Variants in FLT4 observed in about 807,000 individuals in gnomAD.
The protein encoded by FLT4 is fms related receptor tyrosine kinase 4.
Under a neutral mutation model 163.2 loss-of-function variants are expected in FLT4, and 30 were observed. The ratio of observed to expected loss-of-function variants is 0.18; its 90% CI spans 0.14 to 0.25. The LOEUF is 0.25. Among genes scored for constraint, FLT4 ranks in the 10% least tolerant of loss-of-function variants. FLT4 has a pLI of 1.00. For missense variants in FLT4, 1,510 were observed against 1,863.8 expected (o/e 0.81, Z 3.50); for synonymous variants, 884 against 789.5 (o/e 1.12, Z -2.01).
intron 1 of FLT4, among the ~76,000 whole-genome samples, chr5:180,646,056 C>T (rs571353219): frequency 6.6e-6 from 1 of 152,084 alleles, no homozygotes; most frequent in African/African-American, 2.4e-5. Context: ...GCAGCTGATT[C>T]GCTTAATTTC....
chr5:180,619,931 C>CG (rs1386354449), intron 17 of FLT4, among the ~76,000 whole-genome samples, 162 bp from the exon 18 acceptor site: 1 of 152,152 alleles, frequency 6.6e-6, no homozygotes, highest in African/African-American at 2.4e-5. Flanking sequence ...GACAGGAGGC[C>CG]GCGCATCCTC....
Position 180,602,439 on chromosome 5 carries a change from G to C in FLT4, c.*753C>G, listed in dbSNP as rs960996460. ...CTAGACTCAGTACAGCTGTCCCTGG[G>C]CGCCTTCCAGGCTGAATTCGGAAAG... On this transcript the variant is annotated 3_prime_UTR_variant, in exon 30 of 30. Coordinates refer to ENST00000261937, the MANE Select transcript of FLT4 (RefSeq NM_182925.5). 1 of 391,264 alleles carries C rather than the reference G, an allele frequency of 2.6e-6. No homozygotes were observed. The highest frequency in any genetic ancestry group is 4.5e-6 in the Non-Finnish European group (1 of 221,668). 24.2% of individuals were successfully genotyped at this position (391,264 alleles called of 1,614,324 possible).
At chr5:180,648,488 G>A (rs1765585554) in intron 1 of FLT4, among the ~76,000 whole-genome samples, 1 of 152,172 alleles carries the variant, frequency 6.6e-6, no homozygotes, top group Non-Finnish European at 1.5e-5. Context: ...TTCCTATGGC[G>A]TGCAGAAATG....
intron 1 of FLT4, among the ~76,000 whole-genome samples, chr5:180,642,027 T>A (rs749440395): frequency 2.6e-5 from 4 of 152,036 alleles, no homozygotes; most frequent in Non-Finnish European, 5.9e-5. Flanking sequence ...GCCAACATGG[T>A]GAAACCCCAT....
intron 2 of FLT4, 96 bp downstream of exon 2, chr5:180,631,586 C>T (rs1764166181): frequency 2.0e-6 from 2 of 1,008,522 alleles, no homozygotes; most frequent in South Asian, 1.3e-5. Flanking sequence ...CTGACTCTGC[C>T]CTGGGAGGGG....
chr5:180,631,388 G>A (rs1764136860), intron 2 of FLT4, among the ~76,000 whole-genome samples: 1 of 152,094 alleles, frequency 6.6e-6, no homozygotes, highest in African/African-American at 2.4e-5. Context: ...CAGGAGAATG[G>A]CGTGAACCCG....
chr5:180,633,847 G>A (rs978214320), intron 1 of FLT4, among the ~76,000 whole-genome samples: 7 of 152,176 alleles, frequency 4.6e-5, no homozygotes, highest in Non-Finnish European at 1.0e-4. Context: ...CAGGAGACCA[G>A]GCTCGAGGCC....
chr5:180,649,463 C>G, intron 1 of FLT4, 25 bp downstream of exon 1: 1 of 1,450,884 alleles, frequency 6.9e-7, no homozygotes, highest in Non-Finnish European at 9.1e-7. Flanking sequence ...CACGCTCGGG[C>G]GGGTGGCCCG....
chr5:180,634,180 G>A (rs1581689178), intron 1 of FLT4, among the ~76,000 whole-genome samples: 1 of 152,030 alleles, frequency 6.6e-6, no homozygotes, highest in East Asian at 1.9e-4. Context: ...CTTTTTCCTG[G>A]GACATCCCTC....
At chr5:180,607,205 T>C (rs1761849834) in intron 29 of FLT4, among the ~76,000 whole-genome samples, 1 of 152,246 alleles carries the variant, frequency 6.6e-6, no homozygotes, top group African/African-American at 2.4e-5. Context: ...CTGGCTGTCA[T>C]GTTGGGCAAA....
chr5:180,605,461 G>C (rs879575645), intron 29 of FLT4, among the ~76,000 whole-genome samples: 1 of 152,104 alleles, frequency 6.6e-6, no homozygotes, highest in Non-Finnish European at 1.5e-5. Context: ...TGTCTACCGG[G>C]AAGTTTTAAC....
At position 180,630,876 on chromosome 5, in the gene FLT4, C is replaced by T. The variant is rs6859866; in HGVS notation, c.156-77G>A. 68,478 of 1,479,586 alleles carry T rather than the reference C, an allele frequency of 0.046. 1,921 individuals carry two copies. Among genetic ancestry groups the T allele is most frequent in the East Asian group, 0.12 (4,978 of 41,316 alleles). 91.7% of individuals were successfully genotyped at this position (1,479,586 alleles called of 1,614,324 possible). On this transcript the variant is annotated intron_variant, in intron 2 of 29. Coordinates refer to ENST00000261937, the MANE Select transcript of FLT4 (RefSeq NM_182925.5). This position sits in a 1 kb window ranked among gnomAD's most constrained non-coding sequence, Gnocchi z 6.3. ...TGTCCCTGAGAAGCCTCCCTCAGGC[C>T]GAGCCTCACCAGGTTTGTCTTACCC... is the stretch of plus-strand genomic sequence containing the variant.
intron 1 of FLT4, among the ~76,000 whole-genome samples, chr5:180,634,710 AAAAAG>A (rs1764423154): frequency 6.9e-6 from 1 of 145,670 alleles, no homozygotes; most frequent in African/African-American, 2.6e-5. Flanking sequence ...AAAAAAAAAA[AAAAAG>A]AATGGTCAGA....
intron 24 of FLT4, chr5:180,613,751 G>A: frequency 2.3e-6 from 1 of 443,934 alleles, no homozygotes. Context: ...GGAGCTCTTG[G>A]AGCTCTTGGA....
chr5:180,632,937 C>T (rs1410009090), intron 1 of FLT4, among the ~76,000 whole-genome samples: 2 of 152,080 alleles, frequency 1.3e-5, no homozygotes, highest in Admixed American at 6.5e-5. Flanking sequence ...GGGCTGCGTC[C>T]TGTCCCTCCC....
Position 180,625,325 on chromosome 5 carries a change from G to A in FLT4, c.1421+544C>T, listed in dbSNP as rs890148879. Among the ~76,000 whole-genome samples the A allele has an allele frequency of 2.6e-5, 4 of 152,196 alleles. No homozygotes were observed. The East Asian group carries it at 7.7e-4, about 29-fold the overall frequency. On this transcript the variant is annotated intron_variant, in intron 10 of 29. Transcript: ENST00000261937. ...GGAGGGGAGCACGGCTCAGCAGGTG[G>A]CTGGGTCCTGTTGCTTACAGCTGTG... is the stretch of plus-strand genomic sequence containing the variant.
At chr5:180,648,471 TATTTA>T (rs2127877329) in intron 1 of FLT4, among the ~76,000 whole-genome samples, 1 of 152,306 alleles carries the variant, frequency 6.6e-6, no homozygotes, top group Non-Finnish European at 1.5e-5. Context: ...GTAAAGCCAG[TATTTA>T]ATTCCTATGG....
chr5:180,620,185 G>T lies in FLT4; in HGVS notation c.2530C>A (p.Arg844=), dbSNP rs748159932. Residue 844 remains arginine, a synonymous_variant, in exon 17 of 30, where the codon CGG becomes AGG. Coordinates refer to ENST00000261937, the MANE Select transcript of FLT4 (RefSeq NM_182925.5). This position sits in a 1 kb window ranked among gnomAD's most constrained non-coding sequence, Gnocchi z 4.4. ...GTGCTGGCCTCACCCAGGTGCAGCCGCTCTCGGGGGAATTCCCACTGGCTG... is the reference window on the plus strand; with the variant it reads ...GTGCTGGCCTCACCCAGGTGCAGCCTCTCTCGGGGGAATTCCCACTGGCTG... The part of the protein sequence containing the change: ...DASQWEFPRE[R]LHLGRVLGYG... 3 of 1,607,702 alleles carry T rather than the reference G, an allele frequency of 1.9e-6. No individual in the cohort carries two copies. Among genetic ancestry groups the T allele is most frequent in the Non-Finnish European group, 2.5e-6 (3 of 1,179,720 alleles).
At position 180,649,572 on chromosome 5, in the gene FLT4, C is replaced by A; in HGVS notation, c.-27G>T. 1 of 1,370,590 alleles carries A rather than the reference C, an allele frequency of 7.3e-7. No individual in the cohort carries two copies. The highest frequency in any genetic ancestry group is 9.5e-7 in the Non-Finnish European group (1 of 1,057,366). The allele number at this position is 1,370,590 out of a possible 1,614,324, so 84.9% of individuals were successfully genotyped here. ...TCCGGCCGCTGCGCGTGGGTCCGAC[C>A]CGAGCGGCCGCGGCTCGGGGCTGAA... On this transcript the variant is annotated 5_prime_UTR_variant, in exon 1 of 30. Transcript: ENST00000261937.
Sources: allele counts gnomAD v4.1 joint callset (sites outside exome capture counted in the v4.1 genomes callset), GRCh38; gene constraint gnomAD v4.1.1; non-coding constraint Gnocchi (gnomAD v3.1); transcripts MANE v1.5; gene names NCBI Gene and HGNC (gene_info 2026-07-23, HGNC 2026-07-21).